The following BCL9 variants were observed in gnomAD, a reference collection of about 807,000 sequenced individuals.
The protein encoded by BCL9 is BCL9 transcription coactivator, also known as B-cell CLL/lymphoma 9 protein.
BCL9 carries 25 observed loss-of-function variants against 88.5 expected under a neutral mutation model. The ratio of observed to expected loss-of-function variants is 0.28; its 90% CI spans 0.21 to 0.39. BCL9 has a LOEUF of 0.39. Ranked by LOEUF, BCL9 falls within the 10% of genes least tolerant of loss-of-function variation. BCL9 has a pLI of 1.00. For synonymous variants in BCL9, 711 were observed against 673.3 expected (o/e 1.06, Z -0.87); for missense variants, 1,817 against 1,877.8 (o/e 0.97, Z 0.60).
In BCL9 at chr1:147,621,005, T is replaced by C. The variant is rs1658608403; in HGVS notation, c.2850T>C (p.His950=). 1 of 1,613,932 alleles carries C rather than the reference T, an allele frequency of 6.2e-7. No individual in the cohort carries two copies. The highest frequency in any genetic ancestry group is 1.3e-5 in the African/African-American group (1 of 74,902). The part of the protein sequence containing the change: ...PLQSPGIPPN[H]KAPLTMASPA... The stretch of plus-strand genomic sequence containing the variant: ...AGAGTCCTGGGATCCCTCCAAACCA[T>C]AAAGCACCCCTCACCATGGCCTCCC... The change falls in exon 8 of 10, where the codon CAT becomes CAC. Residue 950 remains histidine, a synonymous_variant. Transcript: ENST00000234739.
chr1:147,544,080 C>G (rs781877277), intron 1 of BCL9, among the ~76,000 whole-genome samples: 1 of 152,158 alleles, frequency 6.6e-6, no homozygotes, highest in Non-Finnish European at 1.5e-5. Flanking sequence ...AAATACTGGG[C>G]ACTGAGGATA....
chr1:147,541,997 G>A (rs1654345362), intron 1 of BCL9, among the ~76,000 whole-genome samples: 1 of 152,122 alleles, frequency 6.6e-6, no homozygotes, highest in South Asian at 2.1e-4. Flanking sequence ...AGGGAGAGAA[G>A]GGCAGAGCCT....
At chr1:147,577,972 A>C (rs1656187742) in intron 1 of BCL9, among the ~76,000 whole-genome samples, 1 of 152,122 alleles carries the variant, frequency 6.6e-6, no homozygotes, top group Non-Finnish European at 1.5e-5. Flanking sequence ...ATTAGTTTTG[A>C]TATATGAGTT....
In BCL9 at chr1:147,622,505, A is replaced by G. The variant is rs377334839; in HGVS notation, c.3137A>G (p.Asn1046Ser). The G allele has an allele frequency of 5.6e-6, 9 of 1,614,190 alleles. No individual in the cohort carries two copies. Among genetic ancestry groups the G allele is most frequent in the Non-Finnish European group, 7.6e-6 (9 of 1,180,038 alleles). ...DDDSPPARSP[N>S]LPSMNNMPGM... is the part of the protein sequence containing the mutation. Reference sequence around the variant, plus strand: ...GACTCCCCTCCAGCTCGTTCTCCCAACTTGCCATCAATGAATAATATGCCA... The same window carrying G: ...GACTCCCCTCCAGCTCGTTCTCCCAGCTTGCCATCAATGAATAATATGCCA... The change falls in exon 9 of 10, where the codon AAC becomes AGC. Residue 1046 changes from asparagine (N) to serine (S), a missense_variant. This residue lies in a region of BCL9 where 589 missense variants were observed against 686.2 expected (regional missense o/e 0.86). Transcript: ENST00000234739.
chr1:147,620,460 T>A lies in BCL9; in HGVS notation c.2305T>A (p.Phe769Ile). 6.2e-7 allele frequency: 1 copy of A among 1,614,050 alleles called. No individual in the cohort carries two copies. Among genetic ancestry groups the A allele is most frequent in the Non-Finnish European group, 8.5e-7 (1 of 1,180,006 alleles). Residue 769 changes from phenylalanine to isoleucine, a missense_variant, in exon 8 of 10, where the codon TTT (phenylalanine) becomes ATT (isoleucine). Physicochemically the swap from Phe to Ile is conservative, Grantham distance 21 (BLOSUM62 0). Coordinates refer to ENST00000234739, the MANE Select transcript of BCL9 (RefSeq NM_004326.4). Reference sequence around the variant, plus strand: ...TCAGCAGAAGATGGTGCCACTGCCATTTGGTGAGCACCCCCAGCAGGAGTA... The same window carrying A: ...TCAGCAGAAGATGGTGCCACTGCCAATTGGTGAGCACCCCCAGCAGGAGTA... The part of the protein sequence containing the change: ...PAQQKMVPLP[F>I]GEHPQQEYGM...
At chr1:147,576,962 G>A (rs1023320132) in intron 1 of BCL9, among the ~76,000 whole-genome samples, 22 of 152,138 alleles carry the variant, frequency 1.4e-4, no homozygotes, top group South Asian at 6.2e-4. Flanking sequence ...CCATCATTAC[G>A]TTATTTTGTG....
rs901017878 is a variant in BCL9 at position 147,618,682 on chromosome 1, C to T, written c.661-134C>T. On this transcript the variant is annotated intron_variant, in intron 7 of 9. Transcript: ENST00000234739. ...TCTCCATGCCCAAAAGAGGGTTGTA[C>T]GTGAGCAATTTCTACAGCCAGTGTC... is the stretch of plus-strand genomic sequence containing the variant. The T allele has an allele frequency of 2.3e-5, 20 of 864,998 alleles. No individual in the cohort carries two copies. The Middle Eastern group carries it at 7.6e-4, about 33-fold the overall frequency. 53.6% of individuals were successfully genotyped at this position (864,998 alleles called of 1,614,324 possible). A position where few individuals can be genotyped will look rare whatever the true frequency, so the allele number is the denominator to read the frequency against.
intron 7 of BCL9, among the ~76,000 whole-genome samples, chr1:147,617,663 G>T (rs1186664747): frequency 2.0e-5 from 3 of 152,170 alleles, no homozygotes; most frequent in Admixed American, 2.0e-4. Flanking sequence ...CATATGCAGA[G>T]ATACACGTAA....
At chr1:147,597,489 CT>C (rs1246546554) in intron 1 of BCL9, among the ~76,000 whole-genome samples, 3 of 152,096 alleles carry the variant, frequency 2.0e-5, no homozygotes, top group Non-Finnish European at 2.9e-5. Flanking sequence ...CTTAAAATTT[CT>C]AGAGTAGCAG....
At chr1:147,553,739 C>T (rs1654989681) in intron 1 of BCL9, among the ~76,000 whole-genome samples, 1 of 152,098 alleles carries the variant, frequency 6.6e-6, no homozygotes, top group African/African-American at 2.4e-5. Context: ...TGAAAGACAC[C>T]ATGTAATATA....
At chr1:147,560,606 TAA>T (rs781932914) in intron 1 of BCL9, among the ~76,000 whole-genome samples, 1 of 141,630 alleles carries the variant, frequency 7.1e-6, no homozygotes. Context: ...AGACTTCATC[TAA>T]AAAAAAAAAA....
chr1:147,602,437 C>T (rs1657444883), intron 1 of BCL9, among the ~76,000 whole-genome samples: 1 of 152,024 alleles, frequency 6.6e-6, no homozygotes. Flanking sequence ...GTCTGGAACT[C>T]CTGACCTCGT....
At chr1:147,581,140 A>C (rs1241952384) in intron 1 of BCL9, among the ~76,000 whole-genome samples, 1 of 152,194 alleles carries the variant, frequency 6.6e-6, no homozygotes, top group Non-Finnish European at 1.5e-5. Context: ...ACCTCTCTAA[A>C]GTCTTATCTG....
In BCL9 at chr1:147,609,694, G is replaced by C. The variant is rs145632434; in HGVS notation, c.-259-1884G>C. On this transcript the variant is annotated intron_variant, in intron 3 of 9. Transcript: ENST00000234739. ...TCATAAATGCTTGGCAGATTAATGAGGTGATTTGATAATTGTAATGTTTTG... is the reference window on the plus strand; with the variant it reads ...TCATAAATGCTTGGCAGATTAATGACGTGATTTGATAATTGTAATGTTTTG... 4.0e-3 allele frequency among the ~76,000 whole-genome samples: 602 copies of C among 152,308 alleles called. 4 individuals carry two copies. Among genetic ancestry groups the C allele is most frequent in the African/African-American group, 0.014 (566 of 41,568 alleles).
intron 1 of BCL9, among the ~76,000 whole-genome samples, chr1:147,551,568 T>C (rs1654906671): frequency 1.3e-5 from 2 of 152,230 alleles, no homozygotes; most frequent in Admixed American, 1.3e-4. Context: ...GTAAGACCTT[T>C]AAGAGGCGGA....
chr1:147,613,874 C>G (rs1224620737), intron 5 of BCL9, among the ~76,000 whole-genome samples: 1 of 152,110 alleles, frequency 6.6e-6, no homozygotes, highest in African/African-American at 2.4e-5. Flanking sequence ...AGTTAGTATT[C>G]AAGGAATGGA....
At chr1:147,577,258 C>G (rs1386767473) in intron 1 of BCL9, among the ~76,000 whole-genome samples, 9 of 152,168 alleles carry the variant, frequency 5.9e-5, no homozygotes. Context: ...GAGCCCTGCA[C>G]ATGCTCGGCT....
intron 1 of BCL9, among the ~76,000 whole-genome samples, chr1:147,588,495 C>T (rs958884397): frequency 6.6e-6 from 1 of 152,146 alleles, no homozygotes; most frequent in Non-Finnish European, 1.5e-5. Context: ...TGGGTTCTCC[C>T]TCCATCAGCC....
intron 1 of BCL9, among the ~76,000 whole-genome samples, chr1:147,550,704 C>G (rs1654856100): frequency 6.6e-6 from 1 of 152,174 alleles, no homozygotes. Flanking sequence ...TGCTTTCTTC[C>G]TATGCTTCCC....
Sources: allele counts gnomAD v4.1 joint callset (sites outside exome capture counted in the v4.1 genomes callset), GRCh38; gene constraint gnomAD v4.1.1; regional missense constraint gnomAD v4.1.1; transcripts MANE v1.5; gene names NCBI Gene and HGNC (gene_info 2026-07-23, HGNC 2026-07-21).